PREX1: variants seen among roughly 807,000 people sequenced by gnomAD.
PREX1 encodes the protein phosphatidylinositol 3,4,5-trisphosphate-dependent Rac exchanger 1 protein.
PREX1 carries 41 observed loss-of-function variants against 198.3 expected under a neutral mutation model. The ratio of observed to expected loss-of-function variants is 0.21; its 90% CI spans 0.16 to 0.27. The LOEUF is 0.27. PREX1 is among the 10% of genes least tolerant of loss of function. The pLI is 1.00. For missense variants in PREX1, 1,620 were observed against 2,200.7 expected, an observed-to-expected ratio of 0.74 and a Z score of 5.28; for synonymous variants, 843 against 887.2, an observed-to-expected ratio of 0.95 and a Z score of 0.89.
upstream of PREX1, among the ~76,000 whole-genome samples, chr20:48,828,903 C>G (rs908913111): frequency 1.3e-5 from 2 of 152,188 alleles, no homozygotes; most frequent in Non-Finnish European, 2.9e-5. Flanking sequence ...CCCGCCTTAT[C>G]GGAAGGTATG....
chr20:48,679,345 G>T lies in PREX1; in HGVS notation c.1589+15C>A. ...GAGGTAGAGGTGAAATTGGAGCTTG[G>T]AAAGAGTAACTTACTTGATCACCGG... On this transcript the variant is annotated intron_variant, in intron 13 of 39. Transcript: ENST00000371941. 6.2e-7 allele frequency: 1 copy of T among 1,609,094 alleles called. No individual in the cohort carries two copies. The highest frequency in any genetic ancestry group is 2.2e-5 in the East Asian group (1 of 44,854).
At chr20:48,804,057 C>T (rs982097934) in intron 1 of PREX1, among the ~76,000 whole-genome samples, 66 of 152,352 alleles carry the variant, frequency 4.3e-4, no homozygotes, top group African/African-American at 1.6e-3. Flanking sequence ...CCCTTGAGGA[C>T]ACACACCATT....
At chr20:48,711,154 G>T (rs2089929038) in intron 5 of PREX1, among the ~76,000 whole-genome samples, 1 of 152,172 alleles carries the variant, frequency 6.6e-6, no homozygotes, top group Non-Finnish European at 1.5e-5. Flanking sequence ...GCAGAGGGTG[G>T]CACAGAAGCT....
chr20:48,624,979 A>T lies in PREX1; in HGVS notation c.*906T>A, dbSNP rs563267867. On this transcript the variant is annotated 3_prime_UTR_variant, in exon 40 of 40. Coordinates refer to ENST00000371941, the MANE Select transcript of PREX1 (RefSeq NM_020820.4). ...GAATCACAGTCGATACCTCAAAACG[A>T]CACCTTACAACCCTAATATTAACAA... is the stretch of plus-strand genomic sequence containing the variant. 1 of 152,546 alleles carries T rather than the reference A, an allele frequency of 6.6e-6. No homozygotes were observed. The highest frequency in any genetic ancestry group is 1.5e-5 in the Non-Finnish European group (1 of 68,022). 9.4% of individuals were successfully genotyped at this position (152,546 alleles called of 1,614,324 possible).
At chr20:48,837,117 T>C in the PREX1 span, among the ~76,000 whole-genome samples, 3 of 152,020 alleles carry the variant, frequency 2.0e-5, no homozygotes. Context: ...TAGTGGCCAG[T>C]GAGATATCAT....
At chr20:48,741,117 G>C (rs139956358) in intron 3 of PREX1, among the ~76,000 whole-genome samples, 1 of 152,066 alleles carries the variant, frequency 6.6e-6, no homozygotes, top group Non-Finnish European at 1.5e-5. Context: ...CAAACGATAA[G>C]TGAATCAATT....
chr20:48,820,607 G>A (rs1015397642), intron 1 of PREX1, among the ~76,000 whole-genome samples: 1 of 152,212 alleles, frequency 6.6e-6, no homozygotes, highest in Non-Finnish European at 1.5e-5. Context: ...GGTAGTCAAA[G>A]GAGCTTTTAG....
chr20:48,653,587 C>G (rs1399711889), intron 19 of PREX1, 90 bp from the exon 20 acceptor site: 11 of 1,508,648 alleles, frequency 7.3e-6, no homozygotes, highest in Non-Finnish European at 9.9e-6. Context: ...CACTGCAACC[C>G]CAGACACGCG....
chr20:48,636,589 G>C lies in PREX1; in HGVS notation c.4041C>G (p.Gly1347=). 6.2e-7 allele frequency: 1 copy of C among 1,611,650 alleles called. No individual in the cohort carries two copies. The highest frequency in any genetic ancestry group is 1.1e-5 in the South Asian group (1 of 91,038). The change falls in exon 32 of 40, where the codon GGC becomes GGG. Residue 1347 remains glycine (G), a synonymous_variant. Transcript: ENST00000371941. ...TFSKQLLAAL[G]YRYNNNGEYE... Reference sequence around the variant, plus strand: ...ACTCGCCATTGTTGTTGTAGCGGTAGCCCAGGGCCGCCAGCAGCTGCTTGG... The same window carrying C: ...ACTCGCCATTGTTGTTGTAGCGGTACCCCAGGGCCGCCAGCAGCTGCTTGG...
intron 5 of PREX1, among the ~76,000 whole-genome samples, chr20:48,710,990 G>A (rs924304925): frequency 2.0e-5 from 3 of 152,240 alleles, no homozygotes; most frequent in African/African-American, 7.2e-5. Context: ...AAGAGCCATG[G>A]GGAGGTGATG....
intron 4 of PREX1, among the ~76,000 whole-genome samples, chr20:48,730,178 C>T (rs978992464): frequency 2.8e-4 from 43 of 152,152 alleles, no homozygotes; most frequent in African/African-American, 9.9e-4. Flanking sequence ...GCAATTGTCC[C>T]GGTCCCCTAG....
chr20:48,804,234 G>A (rs1184112366), intron 1 of PREX1, among the ~76,000 whole-genome samples: 1 of 152,236 alleles, frequency 6.6e-6, no homozygotes, highest in African/African-American at 2.4e-5. Flanking sequence ...GGACACAACA[G>A]GGAATAAAAG....
rs532556808 is a variant in PREX1, at chr20:48,768,684, A to G, written c.220-20804T>C. On this transcript the variant is annotated intron_variant, in intron 1 of 39. Transcript: ENST00000371941. ...TGGCTACTCAGGAGACTGAGGCAGG[A>G]GAATCATTTGAACCCAGGAGACAGA... 2.0e-5 allele frequency among the ~76,000 whole-genome samples: 3 copies of G among 152,214 alleles called. No individual in the cohort carries two copies. The East Asian group carries it at 5.8e-4, about 29-fold the overall frequency.
At chr20:48,805,987 C>T (rs149999361) in intron 1 of PREX1, among the ~76,000 whole-genome samples, 1 of 152,206 alleles carries the variant, frequency 6.6e-6, no homozygotes, top group Non-Finnish European at 1.5e-5. Flanking sequence ...TAGACCAGGG[C>T]TTCTCCCGCT....
chr20:48,859,453 C>A, the PREX1 span, among the ~76,000 whole-genome samples: 6 of 152,158 alleles, frequency 3.9e-5, no homozygotes, highest in African/African-American at 1.2e-4. Flanking sequence ...GGAAGAACTT[C>A]CAGACACAAA....
chr20:48,791,234 C>T (rs965928759), intron 1 of PREX1, among the ~76,000 whole-genome samples: 12 of 152,188 alleles, frequency 7.9e-5, no homozygotes, highest in South Asian at 2.1e-4. Flanking sequence ...GTTACCTTCG[C>T]GCTGCTGCTG....
intron 3 of PREX1, among the ~76,000 whole-genome samples, chr20:48,735,880 A>T (rs547528248): frequency 5.9e-5 from 9 of 152,156 alleles, no homozygotes; most frequent in Non-Finnish European, 1.0e-4. Context: ...GGAGGCAAAT[A>T]CCCAGGGTAC....
chr20:48,837,469 G>A, the PREX1 span, among the ~76,000 whole-genome samples: 405 of 152,250 alleles, frequency 2.7e-3, 2 homozygotes, highest in African/African-American at 9.3e-3. Context: ...GCACATTTAC[G>A]CCATGAATAC....
intron 1 of PREX1, among the ~76,000 whole-genome samples, chr20:48,821,099 G>T (rs1422879679): frequency 6.6e-6 from 1 of 152,172 alleles, no homozygotes; most frequent in East Asian, 1.9e-4. Flanking sequence ...CTATTCGGGA[G>T]GATGAGGCAA....
Sources: gnomAD v4.1 joint callset for allele counts (sites outside exome capture counted in the v4.1 genomes callset) on GRCh38, gnomAD v4.1.1 for gene constraint, MANE v1.5 for transcripts, NCBI Gene and HGNC (gene_info 2026-07-23, HGNC 2026-07-21) for gene names.